ARGLU1: variants seen among roughly 807,000 people sequenced by gnomAD.
ARGLU1 encodes arginine and glutamate-rich protein 1.
ARGLU1 carries 9 observed loss-of-function variants against 37.6 expected under a neutral mutation model. The observed-to-expected ratio is 0.24, with a 90% CI of 0.14 to 0.42. ARGLU1 has a LOEUF of 0.42. Ranked by LOEUF, ARGLU1 falls within the 10% of genes least tolerant of loss-of-function variation. The pLI, the probability that ARGLU1 is intolerant of heterozygous loss-of-function variation, is 1.00. For synonymous variants in ARGLU1, 166 were observed against 138.5 expected, an observed-to-expected ratio of 1.20 and a Z score of -1.39; for missense variants, 211 against 359.2, an observed-to-expected ratio of 0.59 and a Z score of 3.34.
At chr13:106,558,956 A>G (rs1464408716) in intron 2 of ARGLU1, 1 of 985,280 alleles carries the variant, frequency 1.0e-6, no homozygotes, top group Non-Finnish European at 1.2e-6. Flanking sequence ...AGAGTGAGAA[A>G]ACCTATTTAT....
chr13:106,552,268 T>C (rs773921616), intron 3 of ARGLU1, among the ~76,000 whole-genome samples: 21 of 152,292 alleles, frequency 1.4e-4, no homozygotes, highest in Non-Finnish European at 2.2e-4. Flanking sequence ...AAGAAAACTA[T>C]TTCATTAGTA....
At position 106,567,411 on chromosome 13, in the gene ARGLU1, G is replaced by A. The variant is rs1024698160; in HGVS notation, c.347+162C>T. Among the ~76,000 whole-genome samples, 3 of 151,616 alleles carry A rather than the reference G, an allele frequency of 2.0e-5. No individual in the cohort carries two copies. Among genetic ancestry groups the A allele is most frequent in the African/African-American group, 7.3e-5 (3 of 41,272 alleles). On this transcript the variant is annotated intron_variant, in intron 1 of 3. Transcript: ENST00000400198. The surrounding 1 kb of genome is among the most constrained non-coding windows in gnomAD (Gnocchi z 4.3). Reference sequence around the variant, plus strand: ...CCCAAGCTTTCCAAACGCCAAGCCTGCCCGCCCCGCCGCCGCCTCTCCGAC... The same window carrying A: ...CCCAAGCTTTCCAAACGCCAAGCCTACCCGCCCCGCCGCCGCCTCTCCGAC...
intron 3 of ARGLU1, among the ~76,000 whole-genome samples, chr13:106,556,086 T>C (rs1880655898): frequency 6.7e-6 from 1 of 149,132 alleles, no homozygotes. Flanking sequence ...CCAGAATAAC[T>C]AAAAAAAAAA....
At chr13:106,550,986 C>A (rs1722785569) in intron 3 of ARGLU1, among the ~76,000 whole-genome samples, 1 of 152,242 alleles carries the variant, frequency 6.6e-6, no homozygotes, top group South Asian at 2.1e-4. Context: ...CACGTCACAT[C>A]ATTAAACATC....
chr13:106,560,631 TA>T lies in ARGLU1; in HGVS notation c.348-975del, dbSNP rs540228306. On this transcript the variant is annotated intron_variant, in intron 1 of 3. Coordinates refer to ENST00000400198, the MANE Select transcript of ARGLU1 (RefSeq NM_018011.4). The stretch of plus-strand genomic sequence containing the variant: ...AATTTCATCCATTTCTTAAGGTTAC[TA>T]AAAAAATTTTACATTGCATATATTG... 3.3e-5 allele frequency among the ~76,000 whole-genome samples: 5 copies of T among 152,310 alleles called. No homozygotes were observed. In the South Asian group the frequency reaches 1.0e-3, roughly 32 times the overall value.
chr13:106,545,860 T>C (rs577282748), intron 3 of ARGLU1, among the ~76,000 whole-genome samples: 1 of 152,312 alleles, frequency 6.6e-6, no homozygotes, highest in Admixed American at 6.5e-5. Context: ...AGAGCTAAAA[T>C]GTATCTTTAA....
chr13:106,543,902 AAAAAAC>A lies in ARGLU1; in HGVS notation c.*88_*93del, dbSNP rs898974689. 4.9e-5 allele frequency: 64 copies of A among 1,311,168 alleles called. No individual in the cohort carries two copies. Among genetic ancestry groups the A allele is most frequent in the South Asian group, 2.4e-4 (17 of 70,720 alleles). 81.2% of individuals were successfully genotyped at this position (1,311,168 alleles called of 1,614,324 possible). On this transcript the variant is annotated 3_prime_UTR_variant, in exon 4 of 4. Coordinates refer to ENST00000400198, the MANE Select transcript of ARGLU1 (RefSeq NM_018011.4). Reference sequence around the variant, plus strand: ...CTAACTTTCCAGATTTTACAAATTAAAAAAACAAAAACAAAAACAAAAAACCACTTC... The same window carrying A: ...CTAACTTTCCAGATTTTACAAATTAAAAAAACAAAAACAAAAAACCACTTC...
chr13:106,545,958 A>G (rs746814022), intron 3 of ARGLU1, among the ~76,000 whole-genome samples: 6 of 152,200 alleles, frequency 3.9e-5, no homozygotes, highest in South Asian at 4.1e-4. Flanking sequence ...ACTTGCTTCA[A>G]AATTCAACAT....
intron 3 of ARGLU1, among the ~76,000 whole-genome samples, chr13:106,553,057 A>C (rs1164615082): frequency 6.6e-6 from 1 of 152,222 alleles, no homozygotes; most frequent in Non-Finnish European, 1.5e-5. Context: ...AGGCTACTTA[A>C]AAGTCAAAAG....
At position 106,568,038 on chromosome 13, in the gene ARGLU1, G is replaced by A; in HGVS notation, c.-119C>T. 1 of 1,409,872 alleles carries A rather than the reference G, an allele frequency of 7.1e-7. No individual in the cohort carries two copies. Among genetic ancestry groups the A allele is most frequent in the Non-Finnish European group, 9.3e-7 (1 of 1,080,198 alleles). The allele number at this position is 1,409,872 out of a possible 1,614,324, so 87.3% of individuals were successfully genotyped here. ...GAGGCCGGAGGAAAGAAAGGTGTCG[G>A]CCAACGGACTTTATGCCTTTTCCCG... On this transcript the variant is annotated 5_prime_UTR_variant, in exon 1 of 4. Transcript: ENST00000400198.
chr13:106,562,141 T>G (rs560653356), intron 1 of ARGLU1, among the ~76,000 whole-genome samples: 52 of 152,174 alleles, frequency 3.4e-4, no homozygotes, highest in Middle Eastern at 6.8e-3. Flanking sequence ...ACAGGCAGGG[T>G]TCAGGGTACC....
rs1880582251 is a variant in ARGLU1, at chr13:106,553,354, T to C, written c.657+3694A>G. Among the ~76,000 whole-genome samples the C allele has an allele frequency of 2.0e-5, 3 of 152,214 alleles. No individual in the cohort carries two copies. In the South Asian group the frequency reaches 6.2e-4, roughly 31 times the overall value. On this transcript the variant is annotated intron_variant, in intron 3 of 3. Coordinates refer to ENST00000400198, the MANE Select transcript of ARGLU1 (RefSeq NM_018011.4). Reference sequence around the variant, plus strand: ...ACTTTTTGGCTACAGAAAAACCCACTGTGTAATAATAATGAATCCAACAAC... The same window carrying C: ...ACTTTTTGGCTACAGAAAAACCCACCGTGTAATAATAATGAATCCAACAAC...
Position 106,543,744 on chromosome 13 carries a change from A to G in ARGLU1, c.*252T>C. ...GTGATCTGCTCTTCCTCAGACCACTAATATAGAATCCAAACAGGTGAAAAA... is the reference window on the plus strand; with the variant it reads ...GTGATCTGCTCTTCCTCAGACCACTGATATAGAATCCAAACAGGTGAAAAA... On this transcript the variant is annotated 3_prime_UTR_variant, in exon 4 of 4. Transcript: ENST00000400198. 1 of 370,578 alleles carries G rather than the reference A, an allele frequency of 2.7e-6. No homozygotes were observed. Among genetic ancestry groups the G allele is most frequent in the Non-Finnish European group, 4.8e-6 (1 of 209,056 alleles). The allele number at this position is 370,578 out of a possible 1,614,324, so 23.0% of individuals were successfully genotyped here. A position where few individuals can be genotyped will look rare whatever the true frequency, so the allele number is the denominator to read the frequency against.
intron 3 of ARGLU1, among the ~76,000 whole-genome samples, chr13:106,553,594 A>G (rs1192171770): frequency 6.6e-6 from 1 of 152,228 alleles, no homozygotes; most frequent in Admixed American, 6.5e-5. Context: ...CCAACACAGG[A>G]CACTATGAAA....
intron 1 of ARGLU1, among the ~76,000 whole-genome samples, chr13:106,561,321 T>C (rs557067076): frequency 1.3e-5 from 2 of 152,146 alleles, no homozygotes; most frequent in South Asian, 4.1e-4. Context: ...AGAAAACTAA[T>C]CAATGAAACA....
At chr13:106,560,768 T>C (rs1258894400) in intron 1 of ARGLU1, among the ~76,000 whole-genome samples, 1 of 152,234 alleles carries the variant, frequency 6.6e-6, no homozygotes, top group Non-Finnish European at 1.5e-5. Context: ...ATGTTCCAAC[T>C]TTCTCAAAAT....
chr13:106,548,479 A>G (rs79713982), intron 3 of ARGLU1, among the ~76,000 whole-genome samples: 217 of 152,292 alleles, frequency 1.4e-3, no homozygotes, highest in African/African-American at 4.9e-3. Flanking sequence ...TATACAGATG[A>G]GTAATACTAA....
chr13:106,552,725 C>G (rs959076461), intron 3 of ARGLU1, among the ~76,000 whole-genome samples: 1 of 152,070 alleles, frequency 6.6e-6, no homozygotes, highest in African/African-American at 2.4e-5. Context: ...TAAAATTTTC[C>G]ATTGTATTAA....
At chr13:106,566,204 T>C (rs1168989649) in intron 1 of ARGLU1, among the ~76,000 whole-genome samples, 1 of 152,242 alleles carries the variant, frequency 6.6e-6, no homozygotes, top group Non-Finnish European at 1.5e-5. Flanking sequence ...ACAGGAAAAA[T>C]GAGTGTTGCA....
Sources: gnomAD v4.1 joint callset for allele counts (sites outside exome capture counted in the v4.1 genomes callset) on GRCh38, gnomAD v4.1.1 for gene constraint, Gnocchi (gnomAD v3.1) non-coding constraint, MANE v1.5 for transcripts, NCBI Gene and HGNC (gene_info 2026-07-23, HGNC 2026-07-21) for gene names.